HMGB1: variants seen among roughly 807,000 people sequenced by gnomAD.
HMGB1 encodes the protein high mobility group protein B1.
For synonymous variants in HMGB1, 81 were observed against 84.0 expected (o/e 0.96, Z 0.19); for missense variants, 79 against 253.5 (o/e 0.31, Z 4.67).
intron 1 of HMGB1, among the ~76,000 whole-genome samples, chr13:30,564,019 G>A (rs1224769282): frequency 6.6e-6 from 1 of 152,080 alleles, no homozygotes; most frequent in Non-Finnish European, 1.5e-5. Context: ...TGGGCATGGT[G>A]GCCAAAACAT....
chr13:30,603,178 A>G (rs751390916), intron 1 of HMGB1, among the ~76,000 whole-genome samples: 3 of 152,164 alleles, frequency 2.0e-5, no homozygotes, highest in Non-Finnish European at 4.4e-5. Flanking sequence ...TTAGTTTATC[A>G]GACTAAATTT....
chr13:30,527,333 C>T (rs1217240068), intron 1 of HMGB1, among the ~76,000 whole-genome samples: 1 of 152,186 alleles, frequency 6.6e-6, no homozygotes, highest in Non-Finnish European at 1.5e-5. Flanking sequence ...GAAGGAACCT[C>T]TCGGGATGGT....
chr13:30,587,192 C>G (rs1008212061), intron 1 of HMGB1, among the ~76,000 whole-genome samples: 1 of 152,192 alleles, frequency 6.6e-6, no homozygotes, highest in Non-Finnish European at 1.5e-5. Context: ...AAATCATAAT[C>G]TCACAACTTT....
intron 1 of HMGB1, among the ~76,000 whole-genome samples, chr13:30,505,907 T>C (rs1266952860): frequency 2.0e-5 from 3 of 152,078 alleles, no homozygotes; most frequent in Non-Finnish European, 4.4e-5. Flanking sequence ...GTATTTTTAG[T>C]AGAGACAGGG....
chr13:30,557,379 G>C (rs1869735876), intron 1 of HMGB1, among the ~76,000 whole-genome samples: 1 of 152,110 alleles, frequency 6.6e-6, no homozygotes, highest in Admixed American at 6.5e-5. Flanking sequence ...TAAAAAGAAT[G>C]CCTAGTCTAT....
In HMGB1 at chr13:30,563,122, C is replaced by A. The variant is rs115512404; in HGVS notation, c.-15+53549G>T. 3.6e-3 allele frequency among the ~76,000 whole-genome samples: 547 copies of A among 152,304 alleles called. 2 individuals carry two copies. The highest frequency in any genetic ancestry group is 0.012 in the African/African-American group (517 of 41,550). ...GGAATTACAACCAGTAATTCTAAGG[C>A]CAATTACTCAGGCAAGTTTTACTAG... On this transcript the variant is annotated intron_variant, in intron 1 of 4. Transcript: ENST00000405805.
intron 1 of HMGB1, among the ~76,000 whole-genome samples, chr13:30,592,276 C>T (rs933904411): frequency 6.6e-6 from 1 of 151,988 alleles, no homozygotes; most frequent in African/African-American, 2.4e-5. Flanking sequence ...GAAATCACAG[C>T]TCCTTTTCTT....
rs115337635 is a variant in HMGB1 at position 30,564,779 on chromosome 13, A to G, written c.-15+51892T>C. 6.5e-3 allele frequency among the ~76,000 whole-genome samples: 990 copies of G among 152,336 alleles called. 15 individuals carry two copies. The highest frequency in any genetic ancestry group is 0.022 in the African/African-American group (924 of 41,564). On this transcript the variant is annotated intron_variant, in intron 1 of 4. Transcript: ENST00000405805. ...ATGATATAAACAACTGTACTCTATG[A>G]TGCCTCATAGTACAGAAACTGGAGG...
chr13:30,617,334 A>T (rs1950577183), exon 1 of HMGB1: 1 of 151,900 alleles, frequency 6.6e-6, no homozygotes, highest in Non-Finnish European at 1.5e-5. Context: ...GTGTGTGATG[A>T]CCCTTTGTGA....
intron 1 of HMGB1, among the ~76,000 whole-genome samples, chr13:30,544,143 T>C (rs1424609275): frequency 6.6e-6 from 1 of 152,226 alleles, no homozygotes; most frequent in Non-Finnish European, 1.5e-5. Context: ...GATGTCTCTC[T>C]GCCTGGGATT....
At chr13:30,534,824 G>GC (rs1888577613) in intron 1 of HMGB1, among the ~76,000 whole-genome samples, 1 of 151,946 alleles carries the variant, frequency 6.6e-6, no homozygotes, top group Admixed American at 6.6e-5. Context: ...TGATCTGCCC[G>GC]CCCTGGCCTC....
At chr13:30,513,184 A>C (rs1417791121) in intron 1 of HMGB1, among the ~76,000 whole-genome samples, 2 of 152,102 alleles carry the variant, frequency 1.3e-5, no homozygotes, top group Non-Finnish European at 2.9e-5. Flanking sequence ...AACAAAAACA[A>C]AAAACAAAAA....
intron 1 of HMGB1, among the ~76,000 whole-genome samples, chr13:30,499,626 A>G (rs1026412337): frequency 6.6e-6 from 1 of 152,214 alleles, no homozygotes; most frequent in African/African-American, 2.4e-5. Flanking sequence ...GTTCTCGCAG[A>G]AGCACAAAGT....
chr13:30,587,246 A>G (rs1419208646), intron 1 of HMGB1, among the ~76,000 whole-genome samples: 1 of 152,236 alleles, frequency 6.6e-6, no homozygotes, highest in Non-Finnish European at 1.5e-5. Flanking sequence ...CTTATATAGT[A>G]ATAAAATTTT....
Position 30,474,855 on chromosome 13 carries a change from T to G in HMGB1, c.-14-11161A>C, listed in dbSNP as rs534435689. Among the ~76,000 whole-genome samples the G allele has an allele frequency of 5.2e-5, 7 of 134,804 alleles. No homozygotes were observed. In the East Asian group the frequency reaches 1.5e-3, roughly 28 times the overall value. 88.4% of individuals were successfully genotyped at this position (134,804 alleles called of 152,430 possible). On this transcript the variant is annotated intron_variant, in intron 1 of 4. Transcript: ENST00000405805. ...GGCACTCTCTCTCTCTCTTTTTTTG[T>G]TTTTTTTTTTTTGAGACAGGGTCTT...
intron 1 of HMGB1, among the ~76,000 whole-genome samples, chr13:30,484,810 G>C (rs1464661478): frequency 6.6e-6 from 1 of 151,950 alleles, no homozygotes. Flanking sequence ...GGGAAGAAAA[G>C]AGAAGGGAAG....
At chr13:30,465,193 GGCCGCC>G (rs555201146) in intron 1 of HMGB1, 43 of 780,430 alleles carry the variant, frequency 5.5e-5, no homozygotes, top group Middle Eastern at 6.5e-4. Flanking sequence ...CCCGCCGCCC[GGCCGCC>G]GCCGCCGCCG....
chr13:30,465,293 C>T, intron 1 of HMGB1: 1 of 139,964 alleles, frequency 7.1e-6, no homozygotes, highest in African/African-American at 2.6e-5. Context: ...CCCGCCCGCC[C>T]CGCCGCCCGC....
intron 1 of HMGB1, among the ~76,000 whole-genome samples, chr13:30,483,084 T>C (rs531904298): frequency 1.3e-5 from 2 of 152,208 alleles, no homozygotes; most frequent in African/African-American, 4.8e-5. Flanking sequence ...TGAGCCACCA[T>C]GGCTGGTCCT....
Sources: gnomAD v4.1 joint callset for allele counts (sites outside exome capture counted in the v4.1 genomes callset) on GRCh38, gnomAD v4.1.1 for gene constraint, MANE v1.5 for transcripts, NCBI Gene and HGNC (gene_info 2026-07-23, HGNC 2026-07-21) for gene names.